The following RNF123 variants were observed in gnomAD, a reference collection of about 807,000 sequenced individuals.
RNF123 encodes the protein ring finger protein 123, also known as E3 ubiquitin-protein ligase RNF123.
Under a neutral mutation model 168.5 loss-of-function variants are expected in RNF123, and 86 were observed. That is an observed-to-expected ratio of 0.51 (90% confidence interval 0.43 to 0.61). The LOEUF (loss-of-function observed/expected upper bound fraction) is 0.61. Ranked by LOEUF, RNF123 falls within the 20% of genes least tolerant of loss-of-function variation. The probability of loss-of-function intolerance (pLI) is 0.00; values close to 1 mark genes in which losing one functional copy is unlikely to be tolerated. For missense variants in RNF123, 1,419 were observed against 1,729.7 expected (o/e 0.82, Z 3.19); for synonymous variants, 666 against 689.1 (o/e 0.97, Z 0.52).
At chr3:49,692,873 T>A (rs1031198087) in intron 3 of RNF123, among the ~76,000 whole-genome samples, 1 of 152,236 alleles carries the variant, frequency 6.6e-6, no homozygotes, top group African/African-American at 2.4e-5. Context: ...TTTATTCATC[T>A]GTTGATGGAC....
intron 31 of RNF123, among the ~76,000 whole-genome samples, chr3:49,715,105 C>A (rs1168376919): frequency 6.6e-6 from 1 of 152,256 alleles, no homozygotes; most frequent in African/African-American, 2.4e-5. Context: ...TTGGTGCCCA[C>A]CACCTCGGCC....
At chr3:49,719,069 C>T (rs756019302) in intron 35 of RNF123, 15 of 1,613,852 alleles carry the variant, frequency 9.3e-6, no homozygotes, top group Non-Finnish European at 1.3e-5. Flanking sequence ...TCCAGCGCCC[C>T]CAGCCCGTCG....
At chr3:49,713,466 T>G (rs778124554) in intron 27 of RNF123, 47 bp from the exon 28 acceptor site, 6 of 1,548,556 alleles carry the variant, frequency 3.9e-6, no homozygotes, top group Non-Finnish European at 5.3e-6. Context: ...TGCCTGCCTC[T>G]GGAGCCCCCA....
chr3:49,695,438 C>T lies in RNF123; in HGVS notation c.168-1705C>T, dbSNP rs2054249530. On this transcript the variant is annotated intron_variant, in intron 3 of 38. Transcript: ENST00000327697. ...GAGGAAGGCTCCTTTATCCTTGGGC[C>T]CACTGGGGTATTCAGAGATGGGGTT... Among the ~76,000 whole-genome samples the T allele has an allele frequency of 4.6e-5, 7 of 152,290 alleles. No individual in the cohort carries two copies. The South Asian group carries it at 1.5e-3, about 32-fold the overall frequency.
intron 35 of RNF123, chr3:49,719,374 A>G: frequency 1.2e-6 from 2 of 1,613,588 alleles, no homozygotes; most frequent in Non-Finnish European, 8.5e-7. Flanking sequence ...GCAGTTGTGG[A>G]GCGCACGGGG....
At chr3:49,708,170 G>A (rs2080069730) in intron 26 of RNF123, among the ~76,000 whole-genome samples, 1 of 151,992 alleles carries the variant, frequency 6.6e-6, no homozygotes, top group African/African-American at 2.4e-5. Flanking sequence ...CACTTTGTTG[G>A]CGTGGCTGGT....
chr3:49,694,779 C>A (rs1161082901), intron 3 of RNF123, among the ~76,000 whole-genome samples: 1 of 152,202 alleles, frequency 6.6e-6, no homozygotes, highest in Non-Finnish European at 1.5e-5. Flanking sequence ...TGCCCACCCC[C>A]ACCCCATACT....
intron 3 of RNF123, among the ~76,000 whole-genome samples, chr3:49,692,582 T>A (rs1575517241): frequency 6.6e-6 from 1 of 152,290 alleles, no homozygotes; most frequent in Non-Finnish European, 1.5e-5. Flanking sequence ...ATTAATTCAA[T>A]TTTTTTGTAC....
At chr3:49,718,486 C>G (rs2080302727) in intron 35 of RNF123, 4 of 1,613,046 alleles carry the variant, frequency 2.5e-6, no homozygotes, top group Non-Finnish European at 3.4e-6. Context: ...CGCGATGCTG[C>G]CATCGCGGGA....
At position 49,721,465 on chromosome 3, in the gene RNF123, C is replaced by CTAAT. The variant is rs2080405949; in HGVS notation, c.*162_*165dup. On this transcript the variant is annotated 3_prime_UTR_variant, in exon 39 of 39. Transcript: ENST00000327697. ...CATTGGTGGGAGCCCAGCCATGGCC[C>CTAAT]TAATTGTGCCTGAGCTTGACTTTCA... 4 of 1,002,460 alleles carry CTAAT rather than the reference C, an allele frequency of 4.0e-6. No homozygotes were observed. The highest frequency in any genetic ancestry group is 2.4e-5 in the East Asian group (1 of 41,962). The allele number at this position is 1,002,460 out of a possible 1,614,324, so 62.1% of individuals were successfully genotyped here.
At position 49,712,523 on chromosome 3, in the gene RNF123, G is replaced by T; in HGVS notation, c.2541G>T (p.Arg847=). ...DIYWLLRVCL[R]TIEHGDRTGS... ...ACTGGCTGCTGCGCGTCTGCCTGCGGACCATTGAGCACGGTGATCGCACAG... is the reference window on the plus strand; with the variant it reads ...ACTGGCTGCTGCGCGTCTGCCTGCGTACCATTGAGCACGGTGATCGCACAG... Residue 847 remains arginine (R), a synonymous_variant, in exon 27 of 39, where the codon CGG becomes CGT. Coordinates refer to ENST00000327697, the MANE Select transcript of RNF123 (RefSeq NM_022064.5). 1 of 1,614,188 alleles carries T rather than the reference G, an allele frequency of 6.2e-7. No homozygotes were observed. Among genetic ancestry groups the T allele is most frequent in the Non-Finnish European group, 8.5e-7 (1 of 1,180,040 alleles).
intron 3 of RNF123, among the ~76,000 whole-genome samples, chr3:49,693,884 T>C (rs1191191429): frequency 6.6e-6 from 1 of 152,224 alleles, no homozygotes; most frequent in African/African-American, 2.4e-5. Flanking sequence ...TATGCCTGTT[T>C]ACCATTCGTA....
At chr3:49,720,370 G>T in intron 35 of RNF123, 141 bp from the exon 36 acceptor site, 1 of 798,776 alleles carries the variant, frequency 1.3e-6, no homozygotes, top group Non-Finnish European at 1.8e-6. Context: ...ACAGGACTTG[G>T]GGTTTGGGAA....
Position 49,697,938 on chromosome 3 carries a change from A to T in RNF123, c.396A>T (p.Lys132Asn), listed in dbSNP as rs776545251. 1.2e-5 allele frequency: 20 copies of T among 1,614,078 alleles called. No homozygotes were observed. In the East Asian group the frequency reaches 3.6e-4, roughly 29 times the overall value. Reference sequence around the variant, plus strand: ...TCCGCTCTACCACATGCGTGTACAAAGGTGAGACCTTACCCTGCTGTGGCC... The same window carrying T: ...TCCGCTCTACCACATGCGTGTACAATGGTGAGACCTTACCCTGCTGTGGCC... ...GTIRSTTCVYKGKWLYEVLIS... is the reference protein window; with the variant it reads ...GTIRSTTCVYNGKWLYEVLIS... The change falls in exon 6 of 39, where the codon AAA becomes AAT. Residue 132 changes from lysine (K) to asparagine (N), a missense_variant and splice_region_variant. Lys to Asn is a moderately conservative substitution (Grantham distance 94, BLOSUM62 0). Coordinates refer to ENST00000327697, the MANE Select transcript of RNF123 (RefSeq NM_022064.5).
chr3:49,693,262 A>G (rs2054203846), intron 3 of RNF123, among the ~76,000 whole-genome samples: 1 of 142,630 alleles, frequency 7.0e-6, no homozygotes, highest in Admixed American at 7.1e-5. Flanking sequence ...GTTAGCCAGG[A>G]TGGTCTTGAT....
At chr3:49,710,664 T>C (rs921255464) in intron 26 of RNF123, among the ~76,000 whole-genome samples, 1 of 152,240 alleles carries the variant, frequency 6.6e-6, no homozygotes, top group East Asian at 1.9e-4. Context: ...TTTCTACTTA[T>C]AAAATCATGT....
chr3:49,700,114 C>T (rs539157564), intron 12 of RNF123, 113 bp from the exon 13 acceptor site: 20 of 1,471,100 alleles, frequency 1.4e-5, no homozygotes, highest in East Asian at 4.7e-5. Context: ...TGGTGTTGCT[C>T]GAGTGGCTCA....
intron 9 of RNF123, 67 bp from the exon 10 acceptor site, chr3:49,698,913 G>A (rs1175861117): frequency 1.9e-6 from 3 of 1,607,300 alleles, no homozygotes; most frequent in African/African-American, 1.3e-5. Context: ...GCCAGACTGA[G>A]TTTGATAGCC....
chr3:49,716,360 G>C lies in RNF123; in HGVS notation c.3416-33G>C, dbSNP rs777539149. 4.1e-5 allele frequency: 66 copies of C among 1,604,816 alleles called. No homozygotes were observed. In the South Asian group the frequency reaches 6.2e-4, roughly 15 times the overall value. On this transcript the variant is annotated intron_variant, in intron 34 of 38. Transcript: ENST00000327697. ...GGAGCCCTTGAAGCAGGAGCATGTG[G>C]GTGGCTCATCTCTTTCCTCCCCTTC... is the stretch of plus-strand genomic sequence containing the variant.
Sources: allele counts gnomAD v4.1 joint callset (sites outside exome capture counted in the v4.1 genomes callset), GRCh38; gene constraint gnomAD v4.1.1; transcripts MANE v1.5; gene names NCBI Gene and HGNC (gene_info 2026-07-23, HGNC 2026-07-21).